DAB2IP: variants seen among roughly 807,000 people sequenced by gnomAD.
The protein encoded by DAB2IP is disabled homolog 2-interacting protein.
In DAB2IP, 28 loss-of-function variants were observed where a neutral mutation model predicts 107.2. The observed-to-expected ratio is 0.26, with a 90% CI of 0.19 to 0.36. DAB2IP has a LOEUF of 0.36. Ranked by LOEUF, DAB2IP falls within the 10% of genes least tolerant of loss-of-function variation. The pLI is 1.00. For synonymous variants in DAB2IP, 755 were observed against 706.4 expected (o/e 1.07, Z -1.09); for missense variants, 1,400 against 1,644.7 (o/e 0.85, Z 2.57).
At chr9:121,694,350 T>C (rs921313095) in intron 2 of DAB2IP, among the ~76,000 whole-genome samples, 1 of 152,150 alleles carries the variant, frequency 6.6e-6, no homozygotes, top group Non-Finnish European at 1.5e-5. Context: ...TCTGAAGCTC[T>C]TATCCTCCCA....
intron 15 of DAB2IP, among the ~76,000 whole-genome samples, chr9:121,781,777 G>A (rs780259119): frequency 3.3e-5 from 5 of 152,260 alleles, no homozygotes; most frequent in South Asian, 2.1e-4. Context: ...GGCTCTTGGC[G>A]GGCATTGTCT....
intron 1 of DAB2IP, among the ~76,000 whole-genome samples, chr9:121,665,336 C>T (rs1026639667): frequency 5.3e-5 from 8 of 151,960 alleles, no homozygotes; most frequent in Admixed American, 2.0e-4. Flanking sequence ...AGTGAGACCC[C>T]GTCTCTAATG....
chr9:121,618,872 G>T (rs1395952588), intron 1 of DAB2IP, among the ~76,000 whole-genome samples: 1 of 152,192 alleles, frequency 6.6e-6, no homozygotes, highest in African/African-American at 2.4e-5. Context: ...GGCAGGGGCT[G>T]TGTGTACGGC....
chr9:121,666,143 G>C (rs1833410764), intron 1 of DAB2IP, among the ~76,000 whole-genome samples: 1 of 152,144 alleles, frequency 6.6e-6, no homozygotes, highest in South Asian at 2.1e-4. Context: ...GAAGTTGCCT[G>C]GTTCCTTGTC....
At chr9:121,671,183 A>G (rs1227285237) in intron 1 of DAB2IP, among the ~76,000 whole-genome samples, 1 of 152,030 alleles carries the variant, frequency 6.6e-6, no homozygotes, top group African/African-American at 2.4e-5. Flanking sequence ...ACAAAGAACA[A>G]AAATTAGCCG....
At chr9:121,612,185 G>C (rs908546831) in intron 1 of DAB2IP, among the ~76,000 whole-genome samples, 4 of 151,962 alleles carry the variant, frequency 2.6e-5, no homozygotes, top group African/African-American at 7.3e-5. Context: ...GGGGCTGGTG[G>C]TGTGTGCCTG....
chr9:121,690,181 T>C (rs1454883949), intron 2 of DAB2IP, among the ~76,000 whole-genome samples: 1 of 152,182 alleles, frequency 6.6e-6, no homozygotes, highest in Non-Finnish European at 1.5e-5. Flanking sequence ...ATAGCAGAGC[T>C]GGGTTTTGAC....
intron 3 of DAB2IP, among the ~76,000 whole-genome samples, chr9:121,740,767 G>C (rs1832280097): frequency 2.0e-5 from 3 of 152,142 alleles, no homozygotes; most frequent in Non-Finnish European, 2.9e-5. Context: ...ATTTGAGTTT[G>C]GGGTTCCCAG....
intron 1 of DAB2IP, among the ~76,000 whole-genome samples, chr9:121,589,751 C>A (rs1195701523): frequency 6.6e-6 from 1 of 152,190 alleles, no homozygotes; most frequent in African/African-American, 2.4e-5. Context: ...GTGACAGCTC[C>A]TTCCTACACT....
At chr9:121,611,019 C>T (rs1010166900) in intron 1 of DAB2IP, among the ~76,000 whole-genome samples, 2 of 152,182 alleles carry the variant, frequency 1.3e-5, no homozygotes, top group African/African-American at 4.8e-5. Context: ...CTCCATCACC[C>T]ATGCTGGAGT....
At chr9:121,618,377 T>TC (rs1327414278) in intron 1 of DAB2IP, among the ~76,000 whole-genome samples, 1 of 152,152 alleles carries the variant, frequency 6.6e-6, no homozygotes, top group African/African-American at 2.4e-5. Flanking sequence ...TTTTTTTTTT[T>TC]TGAGGCAGAG....
rs143378978 is a variant in DAB2IP, at chr9:121,604,883, T to C, written c.40+37655T>C. ...CCACTCCTGCTCCAACTGCCGTGCC[T>C]GCACCCCCCTCCTCAACAGAGTCAA... On this transcript the variant is annotated intron_variant, in intron 1 of 16. Coordinates refer to the DAB2IP transcript ENST00000259371. 3.5e-3 allele frequency among the ~76,000 whole-genome samples: 529 copies of C among 152,336 alleles called. 5 individuals carry two copies. Among genetic ancestry groups the C allele is most frequent in the African/African-American group, 0.012 (498 of 41,570 alleles).
chr9:121,760,545 A>G lies in DAB2IP; in HGVS notation c.1170+106A>G, dbSNP rs1243726184. 3.7e-6 allele frequency: 5 copies of G among 1,343,438 alleles called. No individual in the cohort carries two copies. In the East Asian group the frequency reaches 1.3e-4, roughly 34 times the overall value. The allele number at this position is 1,343,438 out of a possible 1,614,324, so 83.2% of individuals were successfully genotyped here. ...CAGGCCTAACAGAGGCCTTGGAGGC[A>G]CCGGTCACTACCAGAAGGGCTCCCT... On this transcript the variant is annotated intron_variant, in intron 6 of 15. Transcript: ENST00000408936. The surrounding 1 kb of genome is among the most constrained non-coding windows in gnomAD (Gnocchi z 5.9).
chr9:121,705,312 G>A (rs1004289856), intron 3 of DAB2IP, among the ~76,000 whole-genome samples: 3 of 152,230 alleles, frequency 2.0e-5, no homozygotes, highest in African/African-American at 7.2e-5. Flanking sequence ...TACATTATAT[G>A]TTAATGTCCT....
At chr9:121,571,608 G>A (rs1829943911) in intron 1 of DAB2IP, among the ~76,000 whole-genome samples, 1 of 152,164 alleles carries the variant, frequency 6.6e-6, no homozygotes, top group African/African-American at 2.4e-5. Context: ...TTCAAGCTGA[G>A]CAAAGCGCCT....
At chr9:121,743,953 A>G (rs1219759931) in intron 3 of DAB2IP, among the ~76,000 whole-genome samples, 6 of 152,236 alleles carry the variant, frequency 3.9e-5, no homozygotes, top group African/African-American at 7.2e-5. Flanking sequence ...CGGGACACCA[A>G]GAAGAGCACT....
Position 121,782,787 on chromosome 9 carries a change from TGTTG to T in DAB2IP, c.*293_*296del, listed in dbSNP as rs1366973783. ...GCAGGGGGCCTGCCAAAAATATGTC[TGTTG>T]GTTCCTGAATGTGGTGTGTCCTTGT... On this transcript the variant is annotated 3_prime_UTR_variant, in exon 16 of 16. Transcript: ENST00000408936. This position sits in a 1 kb window ranked among gnomAD's most constrained non-coding sequence, Gnocchi z 6.1. The T allele has an allele frequency of 7.9e-7, 1 of 1,262,292 alleles. No homozygotes were observed. Among genetic ancestry groups the T allele is most frequent in the African/African-American group, 1.5e-5 (1 of 66,132 alleles). The allele number at this position is 1,262,292 out of a possible 1,614,324, so 78.2% of individuals were successfully genotyped here.
chr9:121,783,336 G>A (rs1167656975), exon 16 of DAB2IP: 1 of 1,444,968 alleles, frequency 6.9e-7, no homozygotes, highest in East Asian at 2.5e-5. Flanking sequence ...GGGCGGATCT[G>A]GCCAGATGGC....
chr9:121,740,973 CT>C (rs1216193430), intron 3 of DAB2IP, among the ~76,000 whole-genome samples: 3 of 152,190 alleles, frequency 2.0e-5, no homozygotes, highest in Non-Finnish European at 2.9e-5. Context: ...AATTGGGCCT[CT>C]TCTTACTGAC....
Sources: gnomAD v4.1 joint callset for allele counts (sites outside exome capture counted in the v4.1 genomes callset) on GRCh38, gnomAD v4.1.1 for gene constraint, Gnocchi (gnomAD v3.1) non-coding constraint, MANE v1.5 for transcripts, NCBI Gene and HGNC (gene_info 2026-07-23, HGNC 2026-07-21) for gene names.